The following RABGAP1L variants were observed in gnomAD, a reference collection of about 807,000 sequenced individuals.
The protein encoded by RABGAP1L is RAB GTPase activating protein 1 like.
A neutral mutation model predicts 137.7 loss-of-function variants in RABGAP1L; 63 were observed. The observed-to-expected ratio is 0.46, with a 90% CI of 0.37 to 0.56. The LOEUF (loss-of-function observed/expected upper bound fraction) is 0.56. RABGAP1L is among the 20% of genes least tolerant of loss of function. RABGAP1L has a pLI of 0.00. For synonymous variants in RABGAP1L, 431 were observed against 433.7 expected (o/e 0.99, Z 0.08); for missense variants, 1,095 against 1,244.0 (o/e 0.88, Z 1.80).
intron 20 of RABGAP1L, chr1:174,958,232 G>T: frequency 8.0e-7 from 1 of 1,252,464 alleles, no homozygotes; most frequent in Non-Finnish European, 1.0e-6. Flanking sequence ...ATGAATTTAT[G>T]AACAACAGTG....
At chr1:174,860,146 G>A (rs180713260) in intron 19 of RABGAP1L, among the ~76,000 whole-genome samples, 1 of 151,920 alleles carries the variant, frequency 6.6e-6, no homozygotes, top group Non-Finnish European at 1.5e-5. Flanking sequence ...GCCCTCACTA[G>A]CTTTTGCATC....
intron 13 of RABGAP1L, among the ~76,000 whole-genome samples, chr1:174,431,474 A>G (rs1482667910): frequency 6.6e-6 from 1 of 152,166 alleles, no homozygotes; most frequent in African/African-American, 2.4e-5. Flanking sequence ...ATACTAAAAC[A>G]GGTACCTCCT....
At chr1:174,510,071 G>A (rs1399218649) in intron 13 of RABGAP1L, among the ~76,000 whole-genome samples, 1 of 152,134 alleles carries the variant, frequency 6.6e-6, no homozygotes, top group Non-Finnish European at 1.5e-5. Context: ...AACTGGACTG[G>A]TAATGCCATT....
chr1:174,764,636 G>A (rs1437178589), intron 18 of RABGAP1L, among the ~76,000 whole-genome samples: 1 of 152,036 alleles, frequency 6.6e-6, no homozygotes, highest in Non-Finnish European at 1.5e-5. Flanking sequence ...TTAGGGCTGG[G>A]GTCTCACTCT....
intron 12 of RABGAP1L, among the ~76,000 whole-genome samples, chr1:174,383,144 C>T (rs1381886027): frequency 5.1e-4 from 74 of 144,312 alleles, no homozygotes; most frequent in Admixed American, 1.7e-3. Context: ...GCAGTCTGCC[C>T]GTTCTCAGAT....
intron 19 of RABGAP1L, chr1:174,877,548 G>A: frequency 6.2e-7 from 1 of 1,613,994 alleles, no homozygotes; most frequent in Non-Finnish European, 8.5e-7. Context: ...TTTTCAGCCA[G>A]CTGCACGATG....
chr1:174,791,254 A>G (rs1010269170), intron 18 of RABGAP1L, among the ~76,000 whole-genome samples: 1 of 152,198 alleles, frequency 6.6e-6, no homozygotes. Flanking sequence ...GTAGAAATAA[A>G]TTCACTTGCT....
intron 12 of RABGAP1L, among the ~76,000 whole-genome samples, chr1:174,392,280 T>G (rs1163577383): frequency 6.6e-6 from 1 of 152,198 alleles, no homozygotes. Flanking sequence ...ACACAGATAT[T>G]TTGGAGTATG....
chr1:174,516,484 G>T (rs1662866256), intron 13 of RABGAP1L, among the ~76,000 whole-genome samples: 1 of 152,088 alleles, frequency 6.6e-6, no homozygotes, highest in Non-Finnish European at 1.5e-5. Context: ...CTCCCAATGT[G>T]CTGGTATTAC....
intron 18 of RABGAP1L, among the ~76,000 whole-genome samples, chr1:174,764,751 C>T (rs576862163): frequency 1.1e-4 from 16 of 152,282 alleles, no homozygotes; most frequent in African/African-American, 3.4e-4. Flanking sequence ...AGACTGTAGG[C>T]GTGAGCCACT....
chr1:174,198,632 T>G (rs944214906), intron 1 of RABGAP1L, among the ~76,000 whole-genome samples: 14 of 152,202 alleles, frequency 9.2e-5, no homozygotes, highest in Non-Finnish European at 2.1e-4. Context: ...ACAGGGTGCA[T>G]TGGAAATGAG....
intron 9 of RABGAP1L, among the ~76,000 whole-genome samples, chr1:174,277,706 T>G (rs1306686954): frequency 1.3e-5 from 2 of 152,118 alleles, no homozygotes; most frequent in Non-Finnish European, 2.9e-5. Flanking sequence ...GTTTAGAACC[T>G]GAGAGATGAA....
chr1:174,266,171 T>C (rs1324344508), intron 7 of RABGAP1L, among the ~76,000 whole-genome samples: 2 of 152,214 alleles, frequency 1.3e-5, no homozygotes, highest in Non-Finnish European at 1.5e-5. Context: ...TTATTTAACT[T>C]CTCTGTGCTT....
intron 12 of RABGAP1L, among the ~76,000 whole-genome samples, chr1:174,377,863 C>A (rs1302680830): frequency 2.1e-5 from 3 of 142,664 alleles, no homozygotes; most frequent in African/African-American, 8.2e-5. Context: ...TATACATGTG[C>A]CATGCTGGTG....
intron 18 of RABGAP1L, among the ~76,000 whole-genome samples, chr1:174,793,528 C>G (rs1026375794): frequency 2.6e-5 from 4 of 152,154 alleles, no homozygotes; most frequent in African/African-American, 9.7e-5. Context: ...TGTTTGAGTT[C>G]CAACTATAAA....
In RABGAP1L at chr1:174,539,343, G is replaced by A. The variant is rs536426971; in HGVS notation, c.1711-98032G>A. On this transcript the variant is annotated intron_variant, in intron 13 of 25. Coordinates refer to ENST00000681986, the MANE Select transcript of RABGAP1L (RefSeq NM_001366446.1). The stretch of plus-strand genomic sequence containing the variant: ...GTTCTAGGGTACATGTGCACAACAT[G>A]CAGGTTTGTTACATATGTATACATG... Among the ~76,000 whole-genome samples the A allele has an allele frequency of 8.6e-5, 13 of 151,118 alleles. No homozygotes were observed. In the South Asian group the frequency reaches 2.3e-3, roughly 27 times the overall value.
intron 12 of RABGAP1L, among the ~76,000 whole-genome samples, chr1:174,392,709 A>G (rs1385345327): frequency 1.3e-5 from 2 of 152,224 alleles, no homozygotes; most frequent in Non-Finnish European, 2.9e-5. Context: ...AGGTATGCCA[A>G]TACTGGGGTT....
intron 14 of RABGAP1L, among the ~76,000 whole-genome samples, chr1:174,658,527 C>T (rs1454351316): frequency 6.6e-6 from 1 of 152,150 alleles, no homozygotes; most frequent in East Asian, 1.9e-4. Context: ...TATCCAATCT[C>T]TCATTACTGC....
At chr1:174,916,451 GATAA>G (rs1206482420) in intron 19 of RABGAP1L, among the ~76,000 whole-genome samples, 1 of 152,200 alleles carries the variant, frequency 6.6e-6, no homozygotes, top group Non-Finnish European at 1.5e-5. Flanking sequence ...TCATAAGCCA[GATAA>G]ATAAATACAA....
Sources: gnomAD v4.1 joint callset for allele counts (sites outside exome capture counted in the v4.1 genomes callset) on GRCh38, gnomAD v4.1.1 for gene constraint, MANE v1.5 for transcripts, NCBI Gene and HGNC (gene_info 2026-07-23, HGNC 2026-07-21) for gene names.